Variants in EPHA3 observed in about 807,000 individuals in gnomAD.
EPHA3 encodes EPH receptor A3.
Under a neutral mutation model 107.1 loss-of-function variants are expected in EPHA3, and 42 were observed. That is an observed-to-expected ratio of 0.39 (90% CI 0.31 to 0.51). EPHA3 has a LOEUF of 0.51. Among genes scored for constraint, EPHA3 ranks in the 20% least tolerant of loss-of-function variants. The pLI, the probability that EPHA3 is intolerant of heterozygous loss-of-function variation, is 0.78. For missense variants in EPHA3, 1,183 were observed against 1,211.2 expected, an observed-to-expected ratio of 0.98 and a Z score of 0.35; for synonymous variants, 461 against 424.8, an observed-to-expected ratio of 1.09 and a Z score of -1.05.
intron 6 of EPHA3, among the ~76,000 whole-genome samples, chr3:89,397,669 C>A (rs535280675): frequency 6.6e-6 from 1 of 151,756 alleles, no homozygotes; most frequent in Non-Finnish European, 1.5e-5. Context: ...CCGCCACCTC[C>A]GCCTCCCAGG....
intron 5 of EPHA3, among the ~76,000 whole-genome samples, chr3:89,350,866 A>T (rs769305278): frequency 6.6e-6 from 1 of 150,922 alleles, no homozygotes; most frequent in African/African-American, 2.4e-5. Flanking sequence ...GTCTGTTGGA[A>T]TACCCTGCCT....
At chr3:89,162,937 A>G (rs981156512) in intron 2 of EPHA3, among the ~76,000 whole-genome samples, 19 of 152,342 alleles carry the variant, frequency 1.2e-4, no homozygotes, top group Admixed American at 2.0e-4. Flanking sequence ...CAGTCCTTCA[A>G]TGAAGAGGTA....
intron 2 of EPHA3, among the ~76,000 whole-genome samples, chr3:89,208,486 AAAAG>A (rs1410010279): frequency 7.9e-6 from 1 of 125,842 alleles, no homozygotes; most frequent in Non-Finnish European, 1.7e-5. Flanking sequence ...AAGAAAGAGA[AAAAG>A]AAAGGAGGGA....
chr3:89,184,796 C>G (rs969554609), intron 2 of EPHA3, among the ~76,000 whole-genome samples: 1 of 151,814 alleles, frequency 6.6e-6, no homozygotes, highest in Non-Finnish European at 1.5e-5. Context: ...GGGAGTCAGG[C>G]GGAAAGATAG....
intron 11 of EPHA3, among the ~76,000 whole-genome samples, chr3:89,424,622 G>T (rs1419542877): frequency 6.6e-6 from 1 of 150,832 alleles, no homozygotes; most frequent in African/African-American, 2.4e-5. Context: ...TTGAAATCCT[G>T]TTTTTTGTTA....
In EPHA3 at chr3:89,381,495, C is replaced by A. The variant is rs185489380; in HGVS notation, c.1307-14342C>A. On this transcript the variant is annotated intron_variant, in intron 5 of 16. Transcript: ENST00000336596. ...GACCAGCCTGGCCAATATGGCGAAA[C>A]CCATCACTACTCAAAATACAAAAAT... Among the ~76,000 whole-genome samples, 842 of 151,794 alleles carry A rather than the reference C, an allele frequency of 5.5e-3. 7 individuals are homozygous for A. Among genetic ancestry groups the A allele is most frequent in the African/African-American group, 0.019 (791 of 41,436 alleles).
chr3:89,289,995 G>C (rs138833880), intron 3 of EPHA3, among the ~76,000 whole-genome samples: 53 of 152,206 alleles, frequency 3.5e-4, no homozygotes, highest in African/African-American at 1.1e-3. Context: ...AGACCATGCT[G>C]TTTTGCCTTC....
At chr3:89,309,366 C>T (rs939328481) in intron 3 of EPHA3, among the ~76,000 whole-genome samples, 1 of 152,012 alleles carries the variant, frequency 6.6e-6, no homozygotes, top group African/African-American at 2.4e-5. Flanking sequence ...GTATCTTGAG[C>T]CTATTTAGAA....
intron 5 of EPHA3, among the ~76,000 whole-genome samples, chr3:89,378,869 A>C (rs577232801): frequency 6.6e-6 from 1 of 152,184 alleles, no homozygotes; most frequent in African/African-American, 2.4e-5. Flanking sequence ...AACATCAATC[A>C]GTTAATCAGT....
chr3:89,359,171 A>G (rs1708032157), intron 5 of EPHA3, among the ~76,000 whole-genome samples: 2 of 151,210 alleles, frequency 1.3e-5, no homozygotes, highest in Non-Finnish European at 3.0e-5. Context: ...TCAGATAAAG[A>G]CAATGTCTAA....
At chr3:89,397,639 A>G (rs1708877966) in intron 6 of EPHA3, among the ~76,000 whole-genome samples, 1 of 146,076 alleles carries the variant, frequency 6.8e-6, no homozygotes, top group South Asian at 2.1e-4. Flanking sequence ...GCTGGAGTGC[A>G]ATGGCATGAT....
chr3:89,202,534 AATATATAT>A (rs71105121), intron 2 of EPHA3, among the ~76,000 whole-genome samples: 6 of 37,692 alleles, frequency 1.6e-4, no homozygotes, highest in African/African-American at 4.4e-4. Flanking sequence ...AAAAAAAAAA[AATATATAT>A]ATATATATAT....
intron 3 of EPHA3, among the ~76,000 whole-genome samples, chr3:89,317,704 T>C (rs1286802165): frequency 6.6e-6 from 1 of 151,762 alleles, no homozygotes; most frequent in African/African-American, 2.4e-5. Flanking sequence ...ATGCAATATA[T>C]TTATATTAAT....
chr3:89,451,907 TTGTG>T (rs376043217), intron 15 of EPHA3, among the ~76,000 whole-genome samples: 2 of 144,290 alleles, frequency 1.4e-5, no homozygotes, highest in African/African-American at 5.1e-5. Flanking sequence ...GTGTGTGTGT[TTGTG>T]TGTGTGTGTG....
At chr3:89,191,271 GTATTATATTTTTATTTTTATTT>G (rs1705709465) in intron 2 of EPHA3, among the ~76,000 whole-genome samples, 1 of 151,290 alleles carries the variant, frequency 6.6e-6, no homozygotes. Flanking sequence ...TACCCAACTA[GTATTATATTTTTATTTTTATTT>G]TTTTAATTTT....
chr3:89,165,533 G>A (rs1029611172), intron 2 of EPHA3, among the ~76,000 whole-genome samples: 2 of 152,050 alleles, frequency 1.3e-5, no homozygotes, highest in African/African-American at 4.8e-5. Flanking sequence ...GTGCTCTTCT[G>A]TGCCTTTCCT....
chr3:89,355,909 T>A (rs1410273336), intron 5 of EPHA3, among the ~76,000 whole-genome samples: 1 of 150,346 alleles, frequency 6.7e-6, no homozygotes, highest in Non-Finnish European at 1.5e-5. Flanking sequence ...TGTATACATG[T>A]GTCATGCTGG....
At chr3:89,168,679 GAGA>G (rs1705135322) in intron 2 of EPHA3, among the ~76,000 whole-genome samples, 1 of 151,906 alleles carries the variant, frequency 6.6e-6, no homozygotes, top group South Asian at 2.1e-4. Flanking sequence ...TCTTGAAATA[GAGA>G]AGCTTTAAAT....
At chr3:89,113,784 T>C (rs916005389) in intron 1 of EPHA3, among the ~76,000 whole-genome samples, 2 of 151,994 alleles carry the variant, frequency 1.3e-5, no homozygotes, top group African/African-American at 4.8e-5. Context: ...TTACACACTT[T>C]TGATTTTTTC....
Sources: gnomAD v4.1 joint callset for allele counts (sites outside exome capture counted in the v4.1 genomes callset) on GRCh38, gnomAD v4.1.1 for gene constraint, MANE v1.5 for transcripts, NCBI Gene and HGNC (gene_info 2026-07-23, HGNC 2026-07-21) for gene names.